The following ZGRF1 variants were observed in gnomAD, a reference collection of about 807,000 sequenced individuals.
ZGRF1 encodes 5'-3' DNA helicase ZGRF1.
In ZGRF1, 196 loss-of-function variants were observed where a neutral mutation model predicts 203.5. The ratio of observed to expected loss-of-function variants is 0.96; its 90% confidence interval spans 0.86 to 1.08. ZGRF1 has a LOEUF of 1.08. ZGRF1 is among the 50% of genes least tolerant of loss of function. The pLI, the probability that ZGRF1 is intolerant of heterozygous loss-of-function variation, is 0.00. For missense variants in ZGRF1, 2,326 were observed against 2,416.3 expected, an observed-to-expected ratio of 0.96 and a Z score of 0.78; for synonymous variants, 809 against 841.3, an observed-to-expected ratio of 0.96 and a Z score of 0.66.
At chr4:112,623,401 G>C (rs1380115675) in intron 4 of ZGRF1, among the ~76,000 whole-genome samples, 1 of 152,082 alleles carries the variant, frequency 6.6e-6, no homozygotes, top group African/African-American at 2.4e-5. Flanking sequence ...TTGAATGGTA[G>C]TTCTCTTTTT....
At chr4:112,547,923 A>T (rs1030508375) in intron 23 of ZGRF1, among the ~76,000 whole-genome samples, 7 of 152,042 alleles carry the variant, frequency 4.6e-5, no homozygotes, top group African/African-American at 1.7e-4. Context: ...TTCATGCTTC[A>T]GTATTATTAT....
intron 6 of ZGRF1, among the ~76,000 whole-genome samples, chr4:112,613,047 A>C (rs2046744072): frequency 1.3e-5 from 2 of 152,172 alleles, no homozygotes. Flanking sequence ...TAATCCCAGC[A>C]CTTTAGGAGG....
chr4:112,627,142 A>T (rs2047265224), intron 3 of ZGRF1, among the ~76,000 whole-genome samples: 1 of 152,206 alleles, frequency 6.6e-6, no homozygotes, highest in African/African-American at 2.4e-5. Flanking sequence ...TGGAACTAAA[A>T]ATCTTGATTG....
At chr4:112,580,653 T>C (rs1746061136) in intron 16 of ZGRF1, among the ~76,000 whole-genome samples, 1 of 152,220 alleles carries the variant, frequency 6.6e-6, no homozygotes, top group Admixed American at 6.5e-5. Flanking sequence ...AAGACATTTA[T>C]GCAGCCAAAA....
chr4:112,628,477 T>C, intron 3 of ZGRF1: 1 of 421,306 alleles, frequency 2.4e-6, no homozygotes, highest in Middle Eastern at 3.5e-4. Flanking sequence ...TGTTGGTTGG[T>C]TGATGACTTA....
intron 9 of ZGRF1, 85 bp from the exon 10 acceptor site, chr4:112,603,782 A>G (rs1750343124): frequency 1.0e-6 from 1 of 977,640 alleles, no homozygotes; most frequent in Admixed American, 2.6e-5. Context: ...AATACAATAC[A>G]TAATTCAGCT....
At chr4:112,552,024 T>A (rs1056597716) in intron 22 of ZGRF1, among the ~76,000 whole-genome samples, 4 of 152,120 alleles carry the variant, frequency 2.6e-5, no homozygotes, top group Non-Finnish European at 4.4e-5. Flanking sequence ...ATGCCTGTAA[T>A]CCCAGCACTT....
At chr4:112,549,385 TACAC>T (rs1170858219) in intron 22 of ZGRF1, among the ~76,000 whole-genome samples, 1 of 152,234 alleles carries the variant, frequency 6.6e-6, no homozygotes, top group South Asian at 2.1e-4. Flanking sequence ...TATACACACG[TACAC>T]ACACATTTGT....
Position 112,612,581 on chromosome 4 carries a change from T to A in ZGRF1, c.2610A>T (p.Lys870Asn), listed in dbSNP as rs1300144092. ...TTGGTGAAACTACTGTAATAAATGG[T>A]TTCCTCACTGTAATGGAGAAAAGAA... Reference protein sequence around the residue: ...YEPDSPPEVRKPFITVVSPKS... With the variant: ...YEPDSPPEVRNPFITVVSPKS... The change falls in exon 7 of 28, where the codon AAA becomes AAT. Residue 870 changes from lysine to asparagine, a missense_variant. Transcript: ENST00000505019. 1 of 1,596,112 alleles carries A rather than the reference T, an allele frequency of 6.3e-7. No individual in the cohort carries two copies. Among genetic ancestry groups the A allele is most frequent in the Admixed American group, 1.7e-5 (1 of 59,836 alleles).
chr4:112,620,095 G>T lies in ZGRF1; in HGVS notation c.258C>A (p.Val86=), dbSNP rs937910415. 12 of 1,613,166 alleles carry T rather than the reference G, an allele frequency of 7.4e-6. No individual in the cohort carries two copies. The highest frequency in any genetic ancestry group is 3.3e-5 in the Admixed American group (2 of 59,910). The change falls in exon 5 of 28, where the codon GTC becomes GTA. Residue 86 remains valine (V), a synonymous_variant. Transcript: ENST00000505019. ...AATTTAACTCTGGTGCTTCTTTATT[G>T]ACATTCTGCTTAACAATACCTATGG... The part of the protein sequence containing the change: ...AGAIGIVKQN[V]NKEAPELNSR...
chr4:112,617,888 A>G lies in ZGRF1; in HGVS notation c.2154T>C (p.Ser718=). ...CATGTTCATCATTTTTGTCTAAGTCACTTCCCAAAATAAAAGGCTGAGGTT... is the reference window on the plus strand; with the variant it reads ...CATGTTCATCATTTTTGTCTAAGTCGCTTCCCAAAATAAAAGGCTGAGGTT... ...DAQPQPFILG[S]DLDKNDEHVL... The change falls in exon 6 of 28, where the codon AGT becomes AGC. Residue 718 remains serine, a synonymous_variant. Coordinates refer to ENST00000505019, the MANE Select transcript of ZGRF1 (RefSeq NM_018392.5). The G allele has an allele frequency of 6.2e-7, 1 of 1,613,982 alleles. No individual in the cohort carries two copies. Among genetic ancestry groups the G allele is most frequent in the Non-Finnish European group, 8.5e-7 (1 of 1,179,958 alleles).
At chr4:112,596,447 G>A (rs1205166218) in intron 10 of ZGRF1, among the ~76,000 whole-genome samples, 1 of 151,990 alleles carries the variant, frequency 6.6e-6, no homozygotes, top group African/African-American at 2.4e-5. Context: ...AAAACACTGG[G>A]GGGAAAAGCA....
chr4:112,570,649 T>C (rs1255355351), intron 16 of ZGRF1, among the ~76,000 whole-genome samples: 1 of 152,118 alleles, frequency 6.6e-6, no homozygotes, highest in Non-Finnish European at 1.5e-5. Flanking sequence ...TCATAATGTC[T>C]ACCTATTACA....
At position 112,618,668 on chromosome 4, in the gene ZGRF1, A is replaced by G; in HGVS notation, c.1374T>C (p.Asn458=). 2 of 1,612,932 alleles carry G rather than the reference A, an allele frequency of 1.2e-6. No individual in the cohort carries two copies. Among genetic ancestry groups the G allele is most frequent in the Non-Finnish European group, 1.7e-6 (2 of 1,179,792 alleles). Residue 458 remains asparagine (N), a synonymous_variant, in exon 6 of 28, where the codon AAT becomes AAC. Transcript: ENST00000505019. ...CIKGSVLIKE[N]AQEVNTCGTL... is the part of the protein sequence containing the mutation. ...TTCCACATGTATTTACCTCCTGAGC[A>G]TTTTCTTTAATGAGAACTGATCCTT...
At chr4:112,571,554 T>C (rs1578316163) in intron 16 of ZGRF1, among the ~76,000 whole-genome samples, 1 of 64,330 alleles carries the variant, frequency 1.6e-5, no homozygotes, top group African/African-American at 3.4e-5. Flanking sequence ...TAAATCTTAA[T>C]TTTTTTTTTT....
intron 6 of ZGRF1, among the ~76,000 whole-genome samples, chr4:112,615,106 T>C (rs573712329): frequency 1.3e-5 from 2 of 152,274 alleles, no homozygotes; most frequent in South Asian, 4.1e-4. Flanking sequence ...GTATTTCCCA[T>C]AGGAGCAAGG....
chr4:112,628,770 G>C, intron 3 of ZGRF1: 1 of 440,634 alleles, frequency 2.3e-6, no homozygotes, highest in South Asian at 1.6e-5. Context: ...ATAATAATTT[G>C]GAACCAGAAG....
rs1352666330 is a variant in ZGRF1 at position 112,579,962 on chromosome 4, T to C, written c.4438+1701A>G. On this transcript the variant is annotated intron_variant, in intron 16 of 27. Coordinates refer to ENST00000505019, the MANE Select transcript of ZGRF1 (RefSeq NM_018392.5). ...GGAACCAAAAAAGAGCCCACATTGC[T>C]AAGTCGATCCTAAGCCAAAAGAACA... 4.1e-5 allele frequency among the ~76,000 whole-genome samples: 5 copies of C among 122,878 alleles called. 1 individual carries two copies. Among genetic ancestry groups the C allele is most frequent in the Non-Finnish European group, 3.6e-5 (2 of 54,976 alleles). The allele number at this position is 122,878 out of a possible 152,430, so 80.6% of individuals were successfully genotyped here.
chr4:112,568,333 T>C (rs1578305752), intron 16 of ZGRF1, among the ~76,000 whole-genome samples: 2 of 152,066 alleles, frequency 1.3e-5, no homozygotes, highest in Admixed American at 6.6e-5. Flanking sequence ...AGACACTGTA[T>C]AGAGAAATAT....
Sources: gnomAD v4.1 joint callset for allele counts (sites outside exome capture counted in the v4.1 genomes callset) on GRCh38, gnomAD v4.1.1 for gene constraint, MANE v1.5 for transcripts, NCBI Gene and HGNC (gene_info 2026-07-23, HGNC 2026-07-21) for gene names.